Variants in NOMO3 observed in about 807,000 individuals in gnomAD.
The protein encoded by NOMO3 is BOS complex subunit NOMO3.
A neutral mutation model predicts 69.9 loss-of-function variants in NOMO3; 15 were observed. That is an observed-to-expected ratio of 0.21 (90% CI 0.14 to 0.33). The LOEUF is 0.33. NOMO3 is among the 10% of genes least tolerant of loss of function. The pLI is 1.00. For missense variants in NOMO3, 218 were observed against 761.0 expected (o/e 0.29, Z 8.39); for synonymous variants, 89 against 301.9 (o/e 0.29, Z 7.31).
Position 16,243,216 on chromosome 16 carries a change from TG to T in NOMO3, c.361del (p.Asp121ThrfsTer11). ...DGVSDICTKG[G>X]DINFVFTGFS... Reference sequence around the variant, plus strand: ...GAGTCAGTGACATCTGCACAAAGGGTGGGGACATCAACTTTGTCTTCACTGG... The same window carrying T: ...GAGTCAGTGACATCTGCACAAAGGGTGGGACATCAACTTTGTCTTCACTGG... On this transcript the variant is annotated frameshift_variant, in exon 4 of 31. Coordinates refer to ENST00000399336, the MANE Select transcript of NOMO3 (RefSeq NM_001004067.4). LOFTEE classifies it high-confidence loss of function. The T allele has an allele frequency of 8.1e-7, 1 of 1,233,750 alleles. No individual in the cohort carries two copies. Among genetic ancestry groups the T allele is most frequent in the Non-Finnish European group, 1.1e-6 (1 of 907,704 alleles). 76.4% of individuals were successfully genotyped at this position (1,233,750 alleles called of 1,614,324 possible). A position where few individuals can be genotyped will look rare whatever the true frequency, so the allele number is the denominator to read the frequency against.
In NOMO3 at chr16:16,268,885, C is replaced by A. The variant is rs2049640595; in HGVS notation, c.1895-1236C>A. Among the ~76,000 whole-genome samples the A allele has an allele frequency of 1.4e-5, 2 of 143,578 alleles. 1 individual carries two copies. The highest frequency in any genetic ancestry group is 5.7e-5 in the African/African-American group (2 of 34,810). 94.2% of individuals were successfully genotyped at this position (143,578 alleles called of 152,430 possible). ...AGGCAAACATTTCCTTGCGCCCCCT[C>A]CTCCAGTAAGCTACTTGTCTGTATT... On this transcript the variant is annotated intron_variant, in intron 16 of 30. Transcript: ENST00000399336.
At chr16:16,255,152 A>G (rs1261122916) in intron 9 of NOMO3, among the ~76,000 whole-genome samples, 1 of 142,780 alleles carries the variant, frequency 7.0e-6, no homozygotes, top group Non-Finnish European at 1.5e-5. Context: ...ACCTCAAGTG[A>G]TCTGCCTGCC....
chr16:16,242,962 G>A (rs1292345255), intron 3 of NOMO3, among the ~76,000 whole-genome samples, 199 bp from the exon 4 acceptor site: 7 of 143,532 alleles, frequency 4.9e-5, no homozygotes, highest in African/African-American at 1.7e-4. Flanking sequence ...AGGCTAGGGG[G>A]ATAGGGGTGA....
At chr16:16,239,097 A>G (rs1233465050) in intron 2 of NOMO3, among the ~76,000 whole-genome samples, 3 of 142,680 alleles carry the variant, frequency 2.1e-5, no homozygotes, top group Non-Finnish European at 4.5e-5. Context: ...AAACTAAAAC[A>G]AAAACAGAAA....
intron 3 of NOMO3, among the ~76,000 whole-genome samples, chr16:16,242,592 TC>T (rs1441849261): frequency 7.1e-6 from 1 of 141,680 alleles, no homozygotes; most frequent in South Asian, 2.2e-4. Flanking sequence ...GAGTTTGTGT[TC>T]CTGGTTTAAC....
At chr16:16,259,334 T>C (rs2049544870) in intron 11 of NOMO3, among the ~76,000 whole-genome samples, 1 of 143,890 alleles carries the variant, frequency 6.9e-6, no homozygotes, top group Non-Finnish European at 1.5e-5. Flanking sequence ...CACTGATACT[T>C]CTTACTATTT....
intron 2 of NOMO3, among the ~76,000 whole-genome samples, chr16:16,238,986 G>A (rs1193877331): frequency 5.1e-5 from 7 of 137,662 alleles, no homozygotes; most frequent in Admixed American, 3.5e-4. Context: ...GCTGAGGCAG[G>A]AGAATCGCTT....
chr16:16,235,772 T>C, intron 1 of NOMO3: 1 of 435,542 alleles, frequency 2.3e-6, no homozygotes, highest in Non-Finnish European at 4.5e-6. Context: ...CCTCCCAAAG[T>C]GCTGGGATTA....
chr16:16,240,230 T>C (rs2049364435), intron 3 of NOMO3, among the ~76,000 whole-genome samples: 1 of 144,704 alleles, frequency 6.9e-6, no homozygotes, highest in Admixed American at 6.7e-5. Flanking sequence ...GGATGGCTTC[T>C]TTTTTAGCCC....
rs1478317985 is a variant in NOMO3, at chr16:16,237,544, G to T, written c.255+554G>T. Among the ~76,000 whole-genome samples the T allele has an allele frequency of 7.1e-4, 100 of 141,132 alleles. 10 individuals carry two copies. Among genetic ancestry groups the T allele is most frequent in the Admixed American group, 2.6e-3 (38 of 14,548 alleles). The allele number at this position is 141,132 out of a possible 152,430, so 92.6% of individuals were successfully genotyped here. A position where few individuals can be genotyped will look rare whatever the true frequency, so the allele number is the denominator to read the frequency against. ...TGATAATCTGATAAAGGTTTTTTTT[G>T]TTGTTTTTTTTTTTCTTCTTTTGAG... On this transcript the variant is annotated intron_variant, in intron 2 of 30. Transcript: ENST00000399336.
At chr16:16,235,730 T>G (rs1484725370) in intron 1 of NOMO3, 1 of 407,378 alleles carries the variant, frequency 2.5e-6, no homozygotes, top group Non-Finnish European at 4.8e-6. Context: ...TCCAGGCTGG[T>G]CTCCTGGGCT....
intron 1 of NOMO3, among the ~76,000 whole-genome samples, chr16:16,234,457 TTTC>T (rs2049309879): frequency 2.1e-5 from 3 of 144,398 alleles, no homozygotes; most frequent in Non-Finnish European, 4.5e-5. Context: ...ACACTCATTC[TTTC>T]ATAAGTAATT....
At chr16:16,261,030 C>T (rs1370610954) in intron 11 of NOMO3, 1 of 162,382 alleles carries the variant, frequency 6.2e-6, no homozygotes, top group Non-Finnish European at 1.3e-5. Flanking sequence ...TAATCACAAG[C>T]AAGGAAGACG....
intron 2 of NOMO3, among the ~76,000 whole-genome samples, chr16:16,237,823 T>TA (rs2049340399): frequency 6.9e-6 from 1 of 144,700 alleles, no homozygotes; most frequent in Non-Finnish European, 1.5e-5. Context: ...GTGCTGGGAT[T>TA]ACAGGTGTGA....
At position 16,267,538 on chromosome 16, in the gene NOMO3, G is replaced by A. The variant is rs555101988; in HGVS notation, c.1894+407G>A. On this transcript the variant is annotated intron_variant, in intron 16 of 30. Transcript: ENST00000399336. ...CAGCCTCCGCCTCCTGGGTTCAGGC[G>A]ATTCCCCTGCCTCAGCCTCTCGAGT... 2.0e-4 allele frequency among the ~76,000 whole-genome samples: 28 copies of A among 142,912 alleles called. 2 individuals carry two copies. In the South Asian group the frequency reaches 3.5e-3, roughly 18 times the overall value. The allele number at this position is 142,912 out of a possible 152,430, so 93.8% of individuals were successfully genotyped here.
intron 1 of NOMO3, among the ~76,000 whole-genome samples, chr16:16,235,233 A>T (rs2856510): frequency 1.7e-4 from 26 of 150,576 alleles, no homozygotes; most frequent in South Asian, 1.0e-3. Flanking sequence ...TTTGTACATC[A>T]TCTTAGCTGG....
chr16:16,240,537 G>A (rs1229785890), intron 3 of NOMO3, among the ~76,000 whole-genome samples: 7 of 145,570 alleles, frequency 4.8e-5, no homozygotes, highest in Non-Finnish European at 1.0e-4. Context: ...CAGCCCTTCT[G>A]CACACATCCC....
intron 4 of NOMO3, among the ~76,000 whole-genome samples, chr16:16,243,779 C>A (rs1184042716): frequency 7.1e-6 from 1 of 141,730 alleles, no homozygotes; most frequent in African/African-American, 2.9e-5. Context: ...CCTGCCTCCA[C>A]CTCCCATAGT....
At chr16:16,265,304 C>T (rs2049602641) in intron 15 of NOMO3, 125 bp downstream of exon 15, 1 of 1,567,130 alleles carries the variant, frequency 6.4e-7, no homozygotes, top group East Asian at 2.6e-5. Context: ...CCTCTGCACT[C>T]ACCCACCTGT....
Sources: allele counts gnomAD v4.1 joint callset (sites outside exome capture counted in the v4.1 genomes callset), GRCh38; gene constraint gnomAD v4.1.1; transcripts MANE v1.5; gene names NCBI Gene and HGNC (gene_info 2026-07-23, HGNC 2026-07-21).